KCNK2: variants seen among roughly 807,000 people sequenced by gnomAD.
KCNK2 encodes potassium channel subfamily K member 2.
KCNK2 carries 21 observed loss-of-function variants against 40.5 expected under a neutral mutation model. That is an observed-to-expected ratio of 0.52 (90% CI 0.37 to 0.75). KCNK2 has a LOEUF of 0.75. Among genes scored for constraint, KCNK2 ranks in the 30% least tolerant of loss-of-function variants. The pLI, the probability that KCNK2 is intolerant of heterozygous loss-of-function variation, is 0.00. For missense variants in KCNK2, 399 were observed against 531.6 expected (o/e 0.75, Z 2.45); for synonymous variants, 191 against 202.2 (o/e 0.94, Z 0.47).
chr1:215,081,332 A>G (rs1279825768), upstream of KCNK2, among the ~76,000 whole-genome samples: 1 of 152,200 alleles, frequency 6.6e-6, no homozygotes, highest in Non-Finnish European at 1.5e-5. Flanking sequence ...TAGCCAGATC[A>G]GGAAGCACAT....
Position 215,186,492 on chromosome 1 carries a change from G to A in KCNK2, c.824-8461G>A, listed in dbSNP as rs573540372. On this transcript the variant is annotated intron_variant, in intron 5 of 6. Coordinates refer to ENST00000444842, the MANE Select transcript of KCNK2 (RefSeq NM_001017425.3). ...TATATATCGTAATACTTATGATATA[G>A]TAGAGCATAATACATTTCTAATTCA... 9.9e-5 allele frequency among the ~76,000 whole-genome samples: 15 copies of A among 152,192 alleles called. 1 individual carries two copies. In the South Asian group the frequency reaches 2.7e-3, roughly 27 times the overall value.
At chr1:215,163,942 T>C (rs1449774352) in intron 3 of KCNK2, among the ~76,000 whole-genome samples, 2 of 152,124 alleles carry the variant, frequency 1.3e-5, no homozygotes, top group Non-Finnish European at 2.9e-5. Flanking sequence ...ATAAAATGAG[T>C]TAGGGAAGAG....
At chr1:215,038,496 T>A (rs958716559) in intron 1 of KCNK2, among the ~76,000 whole-genome samples, 1 of 152,106 alleles carries the variant, frequency 6.6e-6, no homozygotes, top group Non-Finnish European at 1.5e-5. Flanking sequence ...TAAATTTAAA[T>A]TTGTGAACAT....
intron 1 of KCNK2, among the ~76,000 whole-genome samples, chr1:215,009,234 A>T (rs1360925020): frequency 6.6e-6 from 1 of 152,144 alleles, no homozygotes; most frequent in African/African-American, 2.4e-5. Flanking sequence ...TGTTCCAAAC[A>T]CATATGCAAA....
intron 1 of KCNK2, among the ~76,000 whole-genome samples, chr1:215,033,804 A>G (rs539258376): frequency 6.6e-6 from 1 of 152,302 alleles, no homozygotes; most frequent in Non-Finnish European, 1.5e-5. Context: ...CCTAGTAAGA[A>G]TAGAATGCTC....
intron 3 of KCNK2, among the ~76,000 whole-genome samples, chr1:215,163,803 C>T (rs1013947303): frequency 6.6e-6 from 1 of 152,100 alleles, no homozygotes; most frequent in Non-Finnish European, 1.5e-5. Flanking sequence ...TTTTGATGTG[C>T]TGCTGGATTC....
At chr1:215,144,387 A>G (rs1662322440) in intron 3 of KCNK2, among the ~76,000 whole-genome samples, 1 of 152,166 alleles carries the variant, frequency 6.6e-6, no homozygotes. Context: ...CAGGATCTGT[A>G]TAGTTACACA....
chr1:215,186,197 C>T (rs1359357828), intron 5 of KCNK2, among the ~76,000 whole-genome samples: 1 of 152,022 alleles, frequency 6.6e-6, no homozygotes, highest in Non-Finnish European at 1.5e-5. Flanking sequence ...TCACTTGTGG[C>T]CAGAAGTTCA....
At chr1:215,218,891 AATG>A (rs1256518362) in intron 6 of KCNK2, among the ~76,000 whole-genome samples, 1 of 152,216 alleles carries the variant, frequency 6.6e-6, no homozygotes, top group Admixed American at 6.5e-5. Context: ...ACAAATGTTA[AATG>A]ATGAGTATGA....
chr1:215,165,974 T>C (rs1663426104), intron 3 of KCNK2, among the ~76,000 whole-genome samples: 1 of 152,178 alleles, frequency 6.6e-6, no homozygotes, highest in Non-Finnish European at 1.5e-5. Flanking sequence ...ATCAGTTAAT[T>C]TTAGGCTCTA....
At chr1:215,222,910 T>G (rs953658282) in intron 6 of KCNK2, among the ~76,000 whole-genome samples, 2 of 152,178 alleles carry the variant, frequency 1.3e-5, no homozygotes, top group Non-Finnish European at 2.9e-5. Flanking sequence ...GGCTTCTAAT[T>G]ATTTTTACAA....
chr1:215,119,019 T>G (rs945359047), intron 2 of KCNK2, among the ~76,000 whole-genome samples: 2 of 152,152 alleles, frequency 1.3e-5, no homozygotes, highest in Non-Finnish European at 2.9e-5. Flanking sequence ...AAATCAGAAC[T>G]TCTGGTGCCA....
intron 1 of KCNK2, among the ~76,000 whole-genome samples, chr1:215,062,301 T>C (rs932621615): frequency 2.0e-5 from 3 of 152,080 alleles, no homozygotes; most frequent in Non-Finnish European, 4.4e-5. Flanking sequence ...AGGCAGTCAG[T>C]ACTGGTTTGA....
At chr1:215,105,778 T>C (rs1301932129) in intron 2 of KCNK2, among the ~76,000 whole-genome samples, 1 of 152,050 alleles carries the variant, frequency 6.6e-6, no homozygotes, top group African/African-American at 2.4e-5. Context: ...CCGGTGTCTG[T>C]TGTTCCCATC....
At chr1:215,224,669 A>G (rs6540886) in intron 6 of KCNK2, among the ~76,000 whole-genome samples, 81,057 of 151,910 alleles carry the variant, frequency 0.53, 22,447 homozygotes, top group East Asian at 0.62. Flanking sequence ...AGCCAAGGAA[A>G]CTTACAAAAG....
intron 1 of KCNK2, among the ~76,000 whole-genome samples, chr1:215,057,090 T>A (rs1045351529): frequency 6.6e-6 from 1 of 152,194 alleles, no homozygotes; most frequent in African/African-American, 2.4e-5. Context: ...TGCTACTCCT[T>A]TCCTAAACCT....
chr1:215,113,549 ATAGT>A (rs1660793246), intron 2 of KCNK2, among the ~76,000 whole-genome samples: 1 of 152,240 alleles, frequency 6.6e-6, no homozygotes, highest in African/African-American at 2.4e-5. Context: ...GCTGTTTCAA[ATAGT>A]TAGCTTAAAG....
intron 3 of KCNK2, among the ~76,000 whole-genome samples, chr1:215,134,021 T>C (rs1015869954): frequency 7.9e-5 from 12 of 151,936 alleles, no homozygotes; most frequent in African/African-American, 2.4e-4. Flanking sequence ...CCTCTAGGCG[T>C]AAATATCCCT....
At position 215,044,876 on chromosome 1, in the gene KCNK2, A is replaced by T. The variant is rs541241502; in HGVS notation, c.34+38921A>T. On this transcript the variant is annotated intron_variant, in intron 1 of 6. Transcript: ENST00000391895. ...CGAGTTGGCAAGAATTTCTTAAAAG[A>T]TTAACAGAGTTAGGCCGGGCACAGT... Among the ~76,000 whole-genome samples, 6 of 151,956 alleles carry T rather than the reference A, an allele frequency of 3.9e-5. No homozygotes were observed. In the South Asian group the frequency reaches 1.2e-3, roughly 32 times the overall value.
Sources: gnomAD v4.1 joint callset for allele counts (sites outside exome capture counted in the v4.1 genomes callset) on GRCh38, gnomAD v4.1.1 for gene constraint, MANE v1.5 for transcripts, NCBI Gene and HGNC (gene_info 2026-07-23, HGNC 2026-07-21) for gene names.